DMTF1: variants seen among roughly 807,000 people sequenced by gnomAD.
DMTF1 encodes cyclin-D-binding Myb-like transcription factor 1.
DMTF1 carries 39 observed loss-of-function variants against 91.1 expected under a neutral mutation model. The observed-to-expected ratio is 0.43, with a 90% CI of 0.33 to 0.56. DMTF1 has a LOEUF of 0.56. Ranked by LOEUF, DMTF1 falls within the 20% of genes least tolerant of loss-of-function variation. The pLI, the probability that DMTF1 is intolerant of heterozygous loss-of-function variation, is 0.05. For missense variants in DMTF1, 750 were observed against 914.5 expected, an observed-to-expected ratio of 0.82 and a Z score of 2.32; for synonymous variants, 338 against 309.5, an observed-to-expected ratio of 1.09 and a Z score of -0.97.
intron 4 of DMTF1, among the ~76,000 whole-genome samples, chr7:87,170,372 C>A (rs1794791244): frequency 1.3e-5 from 2 of 152,152 alleles, no homozygotes; most frequent in South Asian, 4.2e-4. Flanking sequence ...TCAAAATCTT[C>A]CAGTCGTTTC....
rs1554339939 is a variant in DMTF1 at position 87,173,513 on chromosome 7, G to A, written c.328-22G>A. On this transcript the variant is annotated intron_variant, in intron 5 of 17. Transcript: ENST00000331242. ...TTTTTGTTTTGTTTTGTTTTGTTTT[G>A]TTTTACTTTTACCTTTTCAAGATTT... 4.6e-6 allele frequency: 7 copies of A among 1,521,672 alleles called. No homozygotes were observed. The East Asian group carries it at 9.2e-5, about 20-fold the overall frequency. The allele number at this position is 1,521,672 out of a possible 1,614,324, so 94.3% of individuals were successfully genotyped here. A position where few individuals can be genotyped will look rare whatever the true frequency, so the allele number is the denominator to read the frequency against.
chr7:87,185,091 C>T (rs1055318074), intron 11 of DMTF1: 1 of 273,572 alleles, frequency 3.7e-6, no homozygotes, highest in Non-Finnish European at 7.4e-6. Flanking sequence ...CCAAATCAAA[C>T]ACATCCATTT....
chr7:87,158,115 T>A (rs1791262846), intron 1 of DMTF1, among the ~76,000 whole-genome samples: 1 of 151,990 alleles, frequency 6.6e-6, no homozygotes, highest in Non-Finnish European at 1.5e-5. Context: ...AATTTTGAAG[T>A]TTGGCAGAAG....
At chr7:87,162,740 T>G (rs958247145) in intron 1 of DMTF1, 1 of 151,980 alleles carries the variant, frequency 6.6e-6, no homozygotes, top group Non-Finnish European at 1.5e-5. Context: ...GAGGATCTAA[T>G]TAGAATGCCG....
chr7:87,184,442 A>T lies in DMTF1; in HGVS notation c.866A>T (p.His289Leu). 6.2e-7 allele frequency: 1 copy of T among 1,613,980 alleles called. No homozygotes were observed. Among genetic ancestry groups the T allele is most frequent in the East Asian group, 2.2e-5 (1 of 44,854 alleles). The stretch of plus-strand genomic sequence containing the variant: ...GAAAAGAGACTTGCAGAAGTGGTTC[A>T]TGAGTTGACAAGCACTGAGCCAGGT... ...EEEKRLAEVV[H>L]ELTSTEPGDI... The change falls in exon 11 of 18, where the codon CAT (histidine) becomes CTT (leucine). Residue 289 changes from histidine to leucine, a missense_variant. His to Leu is a moderately conservative substitution (Grantham distance 99, BLOSUM62 -3). Transcript: ENST00000331242.
chr7:87,163,017 A>G (rs779117359), intron 1 of DMTF1: 1 of 152,092 alleles, frequency 6.6e-6, no homozygotes, highest in Admixed American at 6.6e-5. Flanking sequence ...TTCATCTGTC[A>G]TCTTAAAAGG....
chr7:87,193,074 GTA>G (rs1380112255), intron 14 of DMTF1, 122 bp from the exon 15 acceptor site: 1 of 933,208 alleles, frequency 1.1e-6, no homozygotes, highest in Non-Finnish European at 1.6e-6. Flanking sequence ...GCCCTACATT[GTA>G]TTACTTGTTC....
At chr7:87,164,608 A>G (rs1793369357) in intron 2 of DMTF1, among the ~76,000 whole-genome samples, 1 of 152,254 alleles carries the variant, frequency 6.6e-6, no homozygotes, top group Non-Finnish European at 1.5e-5. Flanking sequence ...ATAAAAACAC[A>G]GTAAAAAAGT....
rs1316950062 is a variant in DMTF1 at position 87,188,093 on chromosome 7, C to G, written c.1203C>G (p.Val401=). 3 of 1,612,782 alleles carry G rather than the reference C, an allele frequency of 1.9e-6. No individual in the cohort carries two copies. In the South Asian group the frequency reaches 3.3e-5, roughly 18 times the overall value. Residue 401 remains valine, a splice_region_variant and synonymous_variant, in exon 13 of 18, where the codon GTC becomes GTG. Coordinates refer to ENST00000331242, the MANE Select transcript of DMTF1 (RefSeq NM_001142327.2). The stretch of plus-strand genomic sequence containing the variant: ...TTTTGTCTACCCATCTCCCTTCAGT[C>G]TTAATAAAAGGTCTTAAACAGTTAC... ...IANHKDVSFP[V]LIKGLKQLHE... is the part of the protein sequence containing the mutation.
intron 7 of DMTF1, among the ~76,000 whole-genome samples, chr7:87,177,896 T>A (rs1796573271): frequency 6.6e-6 from 1 of 152,170 alleles, no homozygotes; most frequent in Admixed American, 6.5e-5. Context: ...CTTGCACCAG[T>A]ACAGCGCTGT....
At chr7:87,185,545 A>G (rs1486500175) in intron 11 of DMTF1, among the ~76,000 whole-genome samples, 1 of 152,190 alleles carries the variant, frequency 6.6e-6, no homozygotes, top group Admixed American at 6.5e-5. Context: ...AACCTTTAGC[A>G]TACTCCTTTT....
At chr7:87,160,902 C>G (rs1171245481) in intron 1 of DMTF1, among the ~76,000 whole-genome samples, 1 of 152,156 alleles carries the variant, frequency 6.6e-6, no homozygotes, top group Non-Finnish European at 1.5e-5. Context: ...GCTGTCTTCT[C>G]TAACCTCTTT....
At position 87,188,395 on chromosome 7, in the gene DMTF1, A is replaced by T. The variant is rs1416530154; in HGVS notation, c.1411+94A>T. 4.3e-5 allele frequency: 57 copies of T among 1,334,570 alleles called. No homozygotes were observed. The East Asian group carries it at 1.3e-3, about 31-fold the overall frequency. 82.7% of individuals were successfully genotyped at this position (1,334,570 alleles called of 1,614,324 possible). On this transcript the variant is annotated intron_variant, in intron 13 of 17. Coordinates refer to ENST00000331242, the MANE Select transcript of DMTF1 (RefSeq NM_001142327.2). ...TTTGGTTTTCTAGAATGTTAATAGA[A>T]ATTTACCCAAGTCGGTGAACTGAAG...
At chr7:87,185,104 T>A in intron 11 of DMTF1, 1 of 249,548 alleles carries the variant, frequency 4.0e-6, no homozygotes, top group African/African-American at 2.2e-5. Flanking sequence ...ATCCATTTCA[T>A]ACAAATTCAA....
Position 87,166,606 on chromosome 7 carries a change from G to A in DMTF1, c.232+1G>A, listed in dbSNP as rs145204341. 2.5e-6 allele frequency: 4 copies of A among 1,602,964 alleles called. No homozygotes were observed. Among genetic ancestry groups the A allele is most frequent in the Non-Finnish European group, 2.6e-6 (3 of 1,175,838 alleles). The stretch of plus-strand genomic sequence containing the variant: ...TGCATATCAGTTGTTGCACTTCCAC[G>A]TAAGTCACTACGTATTAAGAGCCAT... On this transcript the variant is annotated splice_donor_variant, in intron 4 of 17. Transcript: ENST00000331242. LOFTEE classifies it high-confidence loss of function.
rs779730904 is a variant in DMTF1, at chr7:87,184,458, T to C, written c.882T>C (p.Thr294=). 6.2e-7 allele frequency: 1 copy of C among 1,614,026 alleles called. No homozygotes were observed. The highest frequency in any genetic ancestry group is 2.2e-5 in the East Asian group (1 of 44,848). The change falls in exon 11 of 18, where the codon ACT becomes ACC. Residue 294 remains threonine, a synonymous_variant. Transcript: ENST00000331242. ...AAGTGGTTCATGAGTTGACAAGCAC[T>C]GAGCCAGGTGACATAGTCACACAGG... The part of the protein sequence containing the change: ...LAEVVHELTS[T]EPGDIVTQGV...
At chr7:87,185,756 A>C (rs1798263646) in intron 11 of DMTF1, 73 bp from the exon 12 acceptor site, 1 of 1,526,652 alleles carries the variant, frequency 6.6e-7, no homozygotes, top group South Asian at 1.1e-5. Flanking sequence ...CAGTGCAATT[A>C]CCTGTAGTCA....
In DMTF1 at chr7:87,194,835, T is replaced by C. The variant is rs1800876095; in HGVS notation, c.2173+7T>C. 1 of 1,602,550 alleles carries C rather than the reference T, an allele frequency of 6.2e-7. No individual in the cohort carries two copies. Among genetic ancestry groups the C allele is most frequent in the Non-Finnish European group, 8.5e-7 (1 of 1,174,822 alleles). ...CCTTTGACAACACTAACAGGTACTGTAATATAATACTTACTATGTGCCTGA... is the reference window on the plus strand; with the variant it reads ...CCTTTGACAACACTAACAGGTACTGCAATATAATACTTACTATGTGCCTGA... On this transcript the variant is annotated splice_region_variant and intron_variant, in intron 17 of 17. Transcript: ENST00000331242.
chr7:87,164,897 T>G, intron 2 of DMTF1, 37 bp from the exon 3 acceptor site: 3 of 1,309,816 alleles, frequency 2.3e-6, no homozygotes, highest in Non-Finnish European at 3.2e-6. Flanking sequence ...TTGGGAATAA[T>G]TTTTGAAATC....
Sources: allele counts gnomAD v4.1 joint callset (sites outside exome capture counted in the v4.1 genomes callset), GRCh38; gene constraint gnomAD v4.1.1; transcripts MANE v1.5; gene names NCBI Gene and HGNC (gene_info 2026-07-23, HGNC 2026-07-21).